KBTBD11: variants seen among roughly 807,000 people sequenced by gnomAD.
KBTBD11 encodes kelch repeat and BTB domain containing 11, also known as kelch repeat and BTB domain-containing protein 11.
For synonymous variants in KBTBD11, 747 were observed against 499.0 expected, an observed-to-expected ratio of 1.50 and a Z score of -6.63; for missense variants, 1,390 against 1,001.8, an observed-to-expected ratio of 1.39 and a Z score of -5.23.
At chr8:1,982,122 G>A (rs1816558592) in intron 1 of KBTBD11, among the ~76,000 whole-genome samples, 1 of 152,180 alleles carries the variant, frequency 6.6e-6, no homozygotes, top group Admixed American at 6.6e-5. Context: ...TAAAATGGGT[G>A]GGGGGCAGGA....
chr8:2,002,023 G>A lies in KBTBD11; in HGVS notation c.831G>A (p.Ser277=). ...AGCCCGCCGTGTTCGGCCGCCTGTC[G>A]GGCGCAGAGCGGGACCTGCTGCTGC... The part of the protein sequence containing the change: ...LREPAVFGRL[S]GAERDLLLRR... The change falls in exon 2 of 2, where the codon TCG becomes TCA. Residue 277 remains serine (S), a synonymous_variant. Coordinates refer to ENST00000320248, the MANE Select transcript of KBTBD11 (RefSeq NM_014867.3). This position sits in a 1 kb window ranked among gnomAD's most constrained non-coding sequence, Gnocchi z 4.1. 7.2e-7 allele frequency: 1 copy of A among 1,396,102 alleles called. No homozygotes were observed. The allele number at this position is 1,396,102 out of a possible 1,614,324, so 86.5% of individuals were successfully genotyped here.
chr8:2,003,161 C>G lies in KBTBD11; in HGVS notation c.*97C>G. ...AGGACGTGGTGGGGAGTCGGGGCCG[C>G]TGGCCACGCTGGTGGTTTGGACACT... On this transcript the variant is annotated 3_prime_UTR_variant, in exon 2 of 2. Coordinates refer to ENST00000320248, the MANE Select transcript of KBTBD11 (RefSeq NM_014867.3). 8.0e-7 allele frequency: 1 copy of G among 1,246,258 alleles called. No individual in the cohort carries two copies. Among genetic ancestry groups the G allele is most frequent in the African/African-American group, 1.6e-5 (1 of 64,254 alleles). 77.2% of individuals were successfully genotyped at this position (1,246,258 alleles called of 1,614,324 possible).
intron 1 of KBTBD11, among the ~76,000 whole-genome samples, chr8:1,979,806 G>T (rs989609454): frequency 6.6e-6 from 1 of 152,248 alleles, no homozygotes; most frequent in African/African-American, 2.4e-5. Context: ...CTGGGTGCAG[G>T]TTGGCAGCCT....
chr8:1,997,153 G>C (rs1374291617), intron 1 of KBTBD11, among the ~76,000 whole-genome samples: 1 of 152,064 alleles, frequency 6.6e-6, no homozygotes, highest in African/African-American at 2.4e-5. Context: ...GGGTGGGCGA[G>C]TTTCAGTAAT....
chr8:1,993,690 C>T (rs889874291), intron 1 of KBTBD11, among the ~76,000 whole-genome samples: 4 of 151,814 alleles, frequency 2.6e-5, no homozygotes, highest in Non-Finnish European at 5.9e-5. Context: ...GACACATACA[C>T]CTCCCTATCT....
chr8:2,004,043 G>C lies in KBTBD11; in HGVS notation c.*979G>C, dbSNP rs1817497702. On this transcript the variant is annotated 3_prime_UTR_variant, in exon 2 of 2. Coordinates refer to ENST00000320248, the MANE Select transcript of KBTBD11 (RefSeq NM_014867.3). The stretch of plus-strand genomic sequence containing the variant: ...GGCACATTTTAAACCCACTGTATAT[G>C]ATGTTTTCAATGTGGATCGTGTAGT... The C allele has an allele frequency of 1.2e-5, 2 of 166,838 alleles. No individual in the cohort carries two copies. The highest frequency in any genetic ancestry group is 6.5e-5 in the Admixed American group (1 of 15,284). The allele number at this position is 166,838 out of a possible 1,614,324, so 10.3% of individuals were successfully genotyped here.
chr8:1,974,325 C>G (rs933464478), intron 1 of KBTBD11: 2 of 984,254 alleles, frequency 2.0e-6, no homozygotes, highest in Non-Finnish European at 2.4e-6. Flanking sequence ...GCGCCGCGCC[C>G]GCAGTCACCG....
At position 2,002,273 on chromosome 8, in the gene KBTBD11, C is replaced by T; in HGVS notation, c.1081C>T (p.Leu361Phe). 5 of 1,325,268 alleles carry T rather than the reference C, an allele frequency of 3.8e-6. No homozygotes were observed. Among genetic ancestry groups the T allele is most frequent in the Non-Finnish European group, 4.8e-6 (5 of 1,046,286 alleles). 82.1% of individuals were successfully genotyped at this position (1,325,268 alleles called of 1,614,324 possible). A position where few individuals can be genotyped will look rare whatever the true frequency, so the allele number is the denominator to read the frequency against. The change falls in exon 2 of 2, where the codon CTC (leucine) becomes TTC (phenylalanine). Residue 361 changes from leucine to phenylalanine, a missense_variant. Transcript: ENST00000320248. The surrounding 1 kb of genome is among the most constrained non-coding windows in gnomAD (Gnocchi z 4.1). ...GCGLCVLYNYLFVAGGVAPAG... is the reference protein window; with the variant it reads ...GCGLCVLYNYFFVAGGVAPAG... ...CGGCCTGTGCGTCCTCTACAACTAC[C>T]TCTTCGTGGCGGGCGGCGTGGCGCC... is the stretch of plus-strand genomic sequence containing the variant.
chr8:1,991,531 T>TGCGTCAATGCTCAGAACTGCGCAGAGCAC (rs1816916212), intron 1 of KBTBD11, among the ~76,000 whole-genome samples: 1 of 152,214 alleles, frequency 6.6e-6, no homozygotes, highest in Admixed American at 6.5e-5. Context: ...GAGCTTTCCC[T>TGCGTCAATGCTCAGAACTGCGCAGAGCAC]CGATTCCAGC....
chr8:2,001,389 C>G lies in KBTBD11; in HGVS notation c.197C>G (p.Pro66Arg). Reference sequence around the variant, plus strand: ...GCGGAAGGCGCGGCCACCTCCCCGCCCTCCAGCGGTGGCCCGCGGGTGGTG... The same window carrying G: ...GCGGAAGGCGCGGCCACCTCCCCGCGCTCCAGCGGTGGCCCGCGGGTGGTG... ...SAAEGAATSP[P>R]SSGGPRVVER... The change falls in exon 2 of 2, where the codon CCC becomes CGC. Residue 66 changes from proline to arginine, a missense_variant. Coordinates refer to ENST00000320248, the MANE Select transcript of KBTBD11 (RefSeq NM_014867.3). The G allele has an allele frequency of 6.3e-6, 9 of 1,435,686 alleles. No individual in the cohort carries two copies. The highest frequency in any genetic ancestry group is 8.2e-6 in the Non-Finnish European group (9 of 1,098,162). 88.9% of individuals were successfully genotyped at this position (1,435,686 alleles called of 1,614,324 possible).
In KBTBD11 at chr8:2,003,172, G is replaced by A; in HGVS notation, c.*108G>A. 3 of 1,246,304 alleles carry A rather than the reference G, an allele frequency of 2.4e-6. No individual in the cohort carries two copies. The highest frequency in any genetic ancestry group is 3.0e-6 in the Non-Finnish European group (3 of 987,788). 77.2% of individuals were successfully genotyped at this position (1,246,304 alleles called of 1,614,324 possible). A position where few individuals can be genotyped will look rare whatever the true frequency, so the allele number is the denominator to read the frequency against. The stretch of plus-strand genomic sequence containing the variant: ...GGGAGTCGGGGCCGCTGGCCACGCT[G>A]GTGGTTTGGACACTTCGAAGGAGCC... On this transcript the variant is annotated 3_prime_UTR_variant, in exon 2 of 2. Transcript: ENST00000320248.
chr8:1,994,843 G>A (rs936132098), intron 1 of KBTBD11, among the ~76,000 whole-genome samples: 5 of 152,112 alleles, frequency 3.3e-5, no homozygotes, highest in African/African-American at 1.2e-4. Flanking sequence ...CGGATCACTT[G>A]AGGTCAGGAA....
chr8:1,998,028 A>G (rs939906052), intron 1 of KBTBD11, among the ~76,000 whole-genome samples: 5 of 152,232 alleles, frequency 3.3e-5, no homozygotes, highest in Non-Finnish European at 7.3e-5. Context: ...GCCAGCTGGA[A>G]TAAGAACCAG....
At chr8:1,976,957 A>T (rs1816367868) in intron 1 of KBTBD11, among the ~76,000 whole-genome samples, 1 of 152,218 alleles carries the variant, frequency 6.6e-6, no homozygotes, top group Non-Finnish European at 1.5e-5. Context: ...TGGCTGAGTT[A>T]AATTGATGGA....
intron 1 of KBTBD11, among the ~76,000 whole-genome samples, chr8:1,978,488 C>T (rs1816426864): frequency 6.6e-6 from 1 of 152,212 alleles, no homozygotes; most frequent in Non-Finnish European, 1.5e-5. Context: ...TGTGACCGTC[C>T]ATGTACTCGC....
chr8:2,001,042 CAA>C lies in KBTBD11; in HGVS notation c.-150_-149del, dbSNP rs1817323407. The stretch of plus-strand genomic sequence containing the variant: ...TGTGAGATTCCCCCCTTCACACACA[CAA>C]CAACAAAGCGTGGACACACAGAAGT... On this transcript the variant is annotated 5_prime_UTR_variant, in exon 2 of 2. The change creates a premature stop within an existing upstream ORF in the 5' untranslated region. Coordinates refer to ENST00000320248, the MANE Select transcript of KBTBD11 (RefSeq NM_014867.3). The C allele has an allele frequency of 1.3e-5, 4 of 300,858 alleles. No homozygotes were observed. Among genetic ancestry groups the C allele is most frequent in the Middle Eastern group, 1.6e-3 (1 of 636 alleles). 18.6% of individuals were successfully genotyped at this position (300,858 alleles called of 1,614,324 possible).
chr8:1,976,931 A>G (rs1179610057), intron 1 of KBTBD11, among the ~76,000 whole-genome samples: 2 of 152,100 alleles, frequency 1.3e-5, no homozygotes. Flanking sequence ...TAAAAGTGTA[A>G]TGTCAGCCGA....
chr8:1,991,404 C>T (rs892949742), intron 1 of KBTBD11, among the ~76,000 whole-genome samples: 9 of 152,252 alleles, frequency 5.9e-5, no homozygotes, highest in African/African-American at 7.2e-5. Context: ...TTACCTCAGA[C>T]GCCCCCAGAA....
chr8:1,994,857 G>A (rs531349925), intron 1 of KBTBD11, among the ~76,000 whole-genome samples: 1 of 152,152 alleles, frequency 6.6e-6, no homozygotes, highest in Admixed American at 6.5e-5. Context: ...TCAGGAATTC[G>A]AGACCAGCCT....
Sources: allele counts gnomAD v4.1 joint callset (sites outside exome capture counted in the v4.1 genomes callset), GRCh38; gene constraint gnomAD v4.1.1; non-coding constraint Gnocchi (gnomAD v3.1); transcripts MANE v1.5; gene names NCBI Gene and HGNC (gene_info 2026-07-23, HGNC 2026-07-21).